DOCK1: variants seen among roughly 807,000 people sequenced by gnomAD.
The protein encoded by DOCK1 is dedicator of cytokinesis 1.
In DOCK1, 138 loss-of-function variants were observed where a neutral mutation model predicts 262.7. The observed-to-expected ratio is 0.53, with a 90% CI of 0.46 to 0.61. The LOEUF (loss-of-function observed/expected upper bound fraction) is 0.61, where lower values mean the gene tolerates loss of function less well. Ranked by LOEUF, DOCK1 falls within the 20% of genes least tolerant of loss-of-function variation. The pLI is 0.00. For missense variants in DOCK1, 1,908 were observed against 2,370.7 expected (o/e 0.80, Z 4.05); for synonymous variants, 866 against 867.4 (o/e 1.00, Z 0.03).
chr10:127,026,942 T>C (rs1341388557), intron 16 of DOCK1, among the ~76,000 whole-genome samples: 4 of 152,244 alleles, frequency 2.6e-5, no homozygotes, highest in African/African-American at 9.6e-5. Context: ...AATTTATTAT[T>C]GATGACTGAA....
chr10:127,183,004 A>G (rs188255889), intron 27 of DOCK1, among the ~76,000 whole-genome samples: 1 of 151,520 alleles, frequency 6.6e-6, no homozygotes, highest in Non-Finnish European at 1.5e-5. Flanking sequence ...TCTCACTCAC[A>G]TGAAAACACA....
intron 47 of DOCK1, 96 bp from the exon 48 acceptor site, chr10:127,433,187 C>T (rs1297754076): frequency 6.6e-7 from 1 of 1,515,300 alleles, no homozygotes; most frequent in South Asian, 1.2e-5. Flanking sequence ...ATGATGGTCT[C>T]GATTCCACAC....
At chr10:127,114,420 A>C (rs11016240) in intron 25 of DOCK1, among the ~76,000 whole-genome samples, 23,969 of 152,090 alleles carry the variant, frequency 0.16, 2,243 homozygotes, top group African/African-American at 0.26. Context: ...TGAATTGATC[A>C]TAGGGGAGAA....
Position 127,176,186 on chromosome 10 carries a change from C to A in DOCK1, c.2847+48422C>A. 6.2e-7 allele frequency: 1 copy of A among 1,614,144 alleles called. No individual in the cohort carries two copies. The highest frequency in any genetic ancestry group is 2.2e-5 in the East Asian group (1 of 44,844). On this transcript the variant is annotated intron_variant, in intron 27 of 51. Transcript: ENST00000623213. This position sits in a 1 kb window ranked among gnomAD's most constrained non-coding sequence, Gnocchi z 4.4. Reference sequence around the variant, plus strand: ...ACACGGGCTTGGCCTCCCGCTTCTCCCCCAGCTGGCCCGAGGACAGCTGTG... The same window carrying A: ...ACACGGGCTTGGCCTCCCGCTTCTCACCCAGCTGGCCCGAGGACAGCTGTG...
At chr10:126,956,340 G>C (rs2036735516) in intron 1 of DOCK1, among the ~76,000 whole-genome samples, 1 of 152,212 alleles carries the variant, frequency 6.6e-6, no homozygotes, top group African/African-American at 2.4e-5. Flanking sequence ...TTTAGGATCT[G>C]AGAGTGACTT....
At chr10:127,105,968 T>C (rs1316858434) in intron 23 of DOCK1, among the ~76,000 whole-genome samples, 4 of 152,106 alleles carry the variant, frequency 2.6e-5, no homozygotes, top group African/African-American at 4.8e-5. Context: ...TTTCGCCATG[T>C]TACCCAGGCT....
At chr10:127,034,270 A>G (rs985949942) in intron 18 of DOCK1, among the ~76,000 whole-genome samples, 2 of 152,218 alleles carry the variant, frequency 1.3e-5, no homozygotes, top group African/African-American at 4.8e-5. Flanking sequence ...AGCAAGTCAC[A>G]TCTTACGTGG....
intron 23 of DOCK1, among the ~76,000 whole-genome samples, chr10:127,091,767 C>T (rs1165585897): frequency 6.6e-6 from 1 of 152,080 alleles, no homozygotes; most frequent in African/African-American, 2.4e-5. Flanking sequence ...GTCGTAAGAC[C>T]TAGGATGGTG....
At chr10:127,357,636 T>C (rs1490903681) in intron 32 of DOCK1, among the ~76,000 whole-genome samples, 1 of 152,194 alleles carries the variant, frequency 6.6e-6, no homozygotes. Context: ...TTTTGCAGCT[T>C]TTTAGCCAGG....
At chr10:127,057,744 G>A (rs553227477) in intron 22 of DOCK1, among the ~76,000 whole-genome samples, 2 of 152,142 alleles carry the variant, frequency 1.3e-5, no homozygotes, top group East Asian at 3.9e-4. Context: ...TTCTCTTCTG[G>A]GTTTCTTGTG....
intron 51 of DOCK1, among the ~76,000 whole-genome samples, chr10:127,448,722 T>C (rs2070756947): frequency 1.3e-5 from 2 of 152,196 alleles, no homozygotes; most frequent in Admixed American, 1.3e-4. Context: ...GAAGTAATTA[T>C]ATGGCCGCAA....
chr10:127,312,357 T>C (rs931478754), intron 29 of DOCK1, among the ~76,000 whole-genome samples: 27 of 152,168 alleles, frequency 1.8e-4, no homozygotes, highest in Non-Finnish European at 3.2e-4. Flanking sequence ...CACTGGCTGG[T>C]ACTGGGGCCC....
At chr10:127,028,954 C>T (rs2043059889) in intron 16 of DOCK1, among the ~76,000 whole-genome samples, 1 of 152,194 alleles carries the variant, frequency 6.6e-6, no homozygotes, top group Admixed American at 6.5e-5. Flanking sequence ...GAACGGGGTT[C>T]TGGAATCCAC....
intron 23 of DOCK1, among the ~76,000 whole-genome samples, chr10:127,067,859 G>T (rs148334555): frequency 6.6e-6 from 1 of 151,442 alleles, no homozygotes; most frequent in Non-Finnish European, 1.5e-5. Flanking sequence ...GGCCCCTGAC[G>T]CTCAGGCAAC....
chr10:127,146,568 T>C (rs2051873737), intron 27 of DOCK1, among the ~76,000 whole-genome samples: 1 of 152,148 alleles, frequency 6.6e-6, no homozygotes, highest in African/African-American at 2.4e-5. Context: ...CAGAATAACA[T>C]TGTGTATGTA....
At chr10:127,281,210 C>T (rs763781346) in intron 29 of DOCK1, among the ~76,000 whole-genome samples, 4 of 152,134 alleles carry the variant, frequency 2.6e-5, no homozygotes, top group Non-Finnish European at 4.4e-5. Context: ...ACTCATAAAG[C>T]TCGGGCTTTC....
At chr10:127,390,471 A>G (rs1051219026) in intron 38 of DOCK1, among the ~76,000 whole-genome samples, 2 of 152,214 alleles carry the variant, frequency 1.3e-5, no homozygotes, top group Non-Finnish European at 2.9e-5. Context: ...TTAAAGAGGT[A>G]ATTAAGGTAA....
intron 27 of DOCK1, among the ~76,000 whole-genome samples, chr10:127,229,270 G>C (rs1425505662): frequency 6.6e-6 from 1 of 152,094 alleles, no homozygotes; most frequent in Non-Finnish European, 1.5e-5. Context: ...CAAAACTACT[G>C]TCTGCAGTTT....
chr10:127,336,158 T>G (rs1024977502), intron 29 of DOCK1, among the ~76,000 whole-genome samples: 1 of 152,094 alleles, frequency 6.6e-6, no homozygotes, highest in African/African-American at 2.4e-5. Context: ...TAAAAGTTAG[T>G]CTCTGGTTAT....
Sources: allele counts gnomAD v4.1 joint callset (sites outside exome capture counted in the v4.1 genomes callset), GRCh38; gene constraint gnomAD v4.1.1; non-coding constraint Gnocchi (gnomAD v3.1); transcripts MANE v1.5; gene names NCBI Gene and HGNC (gene_info 2026-07-23, HGNC 2026-07-21).